The following STAM variants were observed in gnomAD, a reference collection of about 807,000 sequenced individuals.
The protein encoded by STAM is signal transducing adaptor molecule.
STAM carries 16 observed loss-of-function variants against 63.4 expected under a neutral mutation model. That is an observed-to-expected ratio of 0.25 (90% CI 0.17 to 0.38). The LOEUF is 0.38. Ranked by LOEUF, STAM falls within the 10% of genes least tolerant of loss-of-function variation. STAM has a pLI of 1.00. For synonymous variants in STAM, 238 were observed against 223.9 expected (o/e 1.06, Z -0.56); for missense variants, 636 against 657.1 (o/e 0.97, Z 0.35).
intron 8 of STAM, among the ~76,000 whole-genome samples, chr10:17,699,472 T>C (rs1442523498): frequency 1.3e-5 from 2 of 152,222 alleles, no homozygotes; most frequent in African/African-American, 4.8e-5. Flanking sequence ...GTTATATAGC[T>C]ACTGTTATGT....
chr10:17,685,935 A>T (rs957936753), intron 4 of STAM, among the ~76,000 whole-genome samples: 6 of 152,122 alleles, frequency 3.9e-5, no homozygotes, highest in African/African-American at 1.4e-4. Flanking sequence ...TTTTAGGGGG[A>T]GTACTGTAAA....
At chr10:17,703,637 G>A (rs192763681) in intron 9 of STAM, among the ~76,000 whole-genome samples, 4 of 152,124 alleles carry the variant, frequency 2.6e-5, no homozygotes, top group Admixed American at 2.0e-4. Flanking sequence ...TGTAATAATG[G>A]TTTCATTCAT....
intron 1 of STAM, among the ~76,000 whole-genome samples, chr10:17,654,228 T>C (rs11254701): frequency 0.022 from 3,305 of 151,928 alleles, 116 homozygotes; most frequent in African/African-American, 0.075. Context: ...TTATTATTAT[T>C]ATTATTATTT....
At chr10:17,692,596 G>A (rs1213128667) in intron 5 of STAM, among the ~76,000 whole-genome samples, 1 of 152,200 alleles carries the variant, frequency 6.6e-6, no homozygotes, top group East Asian at 1.9e-4. Flanking sequence ...CATAGGCTTA[G>A]AAGCTTGTAA....
At chr10:17,702,863 C>T (rs1275866943) in intron 9 of STAM, among the ~76,000 whole-genome samples, 1 of 151,968 alleles carries the variant, frequency 6.6e-6, no homozygotes, top group Non-Finnish European at 1.5e-5. Flanking sequence ...CAAAGATTCG[C>T]TGGACGTGGT....
chr10:17,714,237 G>C (rs1232956421), intron 13 of STAM, among the ~76,000 whole-genome samples: 3 of 152,002 alleles, frequency 2.0e-5, no homozygotes, highest in African/African-American at 7.3e-5. Flanking sequence ...CTTGACACAC[G>C]ATACATGTGT....
intron 13 of STAM, among the ~76,000 whole-genome samples, chr10:17,710,469 G>A (rs1554829953): frequency 6.6e-6 from 1 of 152,170 alleles, no homozygotes; most frequent in Non-Finnish European, 1.5e-5. Flanking sequence ...GGTGTCTTTT[G>A]AAGAACATTT....
intron 1 of STAM, among the ~76,000 whole-genome samples, chr10:17,647,873 G>T (rs1477697028): frequency 6.6e-6 from 1 of 152,132 alleles, no homozygotes; most frequent in East Asian, 1.9e-4. Context: ...TCTTGCCTGA[G>T]CTCTCGACCT....
chr10:17,709,038 TAATA>T (rs1836435332), intron 13 of STAM, 87 bp downstream of exon 13: 3 of 1,469,394 alleles, frequency 2.0e-6, no homozygotes, highest in Non-Finnish European at 2.8e-6. Context: ...AAAATCTGGC[TAATA>T]AATATCTGTG....
In STAM at chr10:17,714,832, T is replaced by C. The variant is rs1554830649; in HGVS notation, c.*52T>C. The stretch of plus-strand genomic sequence containing the variant: ...TACCTGCTAAATGCCACTGACAATG[T>C]TATGAGATTCATTACTATCTTAAGA... On this transcript the variant is annotated 3_prime_UTR_variant, in exon 14 of 14. Transcript: ENST00000377524. The C allele has an allele frequency of 1.3e-6, 2 of 1,484,264 alleles. No homozygotes were observed. Among genetic ancestry groups the C allele is most frequent in the African/African-American group, 2.8e-5 (2 of 72,172 alleles). The allele number at this position is 1,484,264 out of a possible 1,614,324, so 91.9% of individuals were successfully genotyped here. A position where few individuals can be genotyped will look rare whatever the true frequency, so the allele number is the denominator to read the frequency against.
intron 12 of STAM, 62 bp from the exon 13 acceptor site, chr10:17,708,714 G>A (rs2068545218): frequency 1.4e-6 from 2 of 1,467,680 alleles, no homozygotes; most frequent in African/African-American, 1.4e-5. Context: ...CCTCTACAGA[G>A]AAAGTTCAGT....
chr10:17,694,980 C>T (rs900761758), intron 6 of STAM, 69 bp from the exon 7 acceptor site: 7 of 1,445,584 alleles, frequency 4.8e-6, no homozygotes, highest in Non-Finnish European at 6.6e-6. Flanking sequence ...ATCTTGATGT[C>T]TTTTTCTACT....
chr10:17,663,453 G>A (rs11254713), intron 2 of STAM, among the ~76,000 whole-genome samples: 17,509 of 151,998 alleles, frequency 0.12, 1,107 homozygotes, highest in Middle Eastern at 0.16. Flanking sequence ...AAGTCTATGA[G>A]TTTACTTAGG....
intron 2 of STAM, among the ~76,000 whole-genome samples, chr10:17,666,062 A>T (rs1284762370): frequency 6.6e-6 from 1 of 152,216 alleles, no homozygotes; most frequent in African/African-American, 2.4e-5. Flanking sequence ...GTTTATATTT[A>T]TGTAAACATA....
intron 11 of STAM, 150 bp from the exon 12 acceptor site, chr10:17,705,438 A>C: frequency 2.1e-6 from 2 of 965,502 alleles, no homozygotes; most frequent in Admixed American, 3.0e-5. Flanking sequence ...TTCAGGGCTA[A>C]AATGCAGGAT....
At chr10:17,648,758 A>G (rs1460400350) in intron 1 of STAM, among the ~76,000 whole-genome samples, 1 of 152,188 alleles carries the variant, frequency 6.6e-6, no homozygotes, top group Non-Finnish European at 1.5e-5. Context: ...CTCATTTACA[A>G]AGGTCAGTGA....
At chr10:17,650,056 G>A (rs531606618) in intron 1 of STAM, among the ~76,000 whole-genome samples, 1 of 152,288 alleles carries the variant, frequency 6.6e-6, no homozygotes, top group South Asian at 2.1e-4. Flanking sequence ...ACTGCTTTGG[G>A]CCAGTCCACA....
chr10:17,655,342 T>C (rs4747318), intron 1 of STAM, among the ~76,000 whole-genome samples: 12,406 of 152,258 alleles, frequency 0.081, 529 homozygotes, highest in Middle Eastern at 0.13. Flanking sequence ...TTAATTCTTA[T>C]GCAAGGAATT....
At chr10:17,693,802 A>G (rs1173019074) in intron 6 of STAM, among the ~76,000 whole-genome samples, 2 of 152,264 alleles carry the variant, frequency 1.3e-5, no homozygotes, top group South Asian at 2.1e-4. Flanking sequence ...CTCTGTGCAC[A>G]TATATGTGAC....
Sources: gnomAD v4.1 joint callset for allele counts (sites outside exome capture counted in the v4.1 genomes callset) on GRCh38, gnomAD v4.1.1 for gene constraint, MANE v1.5 for transcripts, NCBI Gene and HGNC (gene_info 2026-07-23, HGNC 2026-07-21) for gene names.